The following COL19A1 variants were observed in gnomAD, a reference collection of about 807,000 sequenced individuals.
The protein encoded by COL19A1 is collagen alpha-1(XIX) chain.
COL19A1 carries 159 observed loss-of-function variants against 190.2 expected under a neutral mutation model. The ratio of observed to expected loss-of-function variants is 0.84; its 90% CI spans 0.73 to 0.95. COL19A1 has a LOEUF of 0.95. Ranked by LOEUF, COL19A1 falls within the 40% of genes least tolerant of loss-of-function variation. The pLI, the probability that COL19A1 is intolerant of heterozygous loss-of-function variation, is 0.00. For synonymous variants in COL19A1, 509 were observed against 458.9 expected, an observed-to-expected ratio of 1.11 and a Z score of -1.39; for missense variants, 1,418 against 1,431.9, an observed-to-expected ratio of 0.99 and a Z score of 0.16.
intron 49 of COL19A1, among the ~76,000 whole-genome samples, chr6:70,203,297 A>G (rs1767661476): frequency 6.6e-6 from 1 of 152,208 alleles, no homozygotes; most frequent in Non-Finnish European, 1.5e-5. Flanking sequence ...CATCCATCGC[A>G]TGCACCCTGC....
At chr6:69,978,276 AAGAG>A (rs1482966936) in intron 11 of COL19A1, among the ~76,000 whole-genome samples, 1 of 152,082 alleles carries the variant, frequency 6.6e-6, no homozygotes, top group Non-Finnish European at 1.5e-5. Flanking sequence ...AAGAGAGAGA[AAGAG>A]AGACAGACAC....
At chr6:70,064,126 A>G (rs1781024695) in intron 14 of COL19A1, among the ~76,000 whole-genome samples, 1 of 152,220 alleles carries the variant, frequency 6.6e-6, no homozygotes, top group South Asian at 2.1e-4. Flanking sequence ...AACTCATTTT[A>G]TGAGGACAGC....
chr6:69,920,895 CATATAT>C (rs962469597), intron 4 of COL19A1, among the ~76,000 whole-genome samples: 1 of 136,632 alleles, frequency 7.3e-6, no homozygotes, highest in Non-Finnish European at 1.6e-5. Context: ...AATTTCTAGT[CATATAT>C]ATATATTCAT....
At chr6:70,056,481 C>T (rs540125808) in intron 14 of COL19A1, among the ~76,000 whole-genome samples, 3 of 152,212 alleles carry the variant, frequency 2.0e-5, no homozygotes, top group Admixed American at 2.0e-4. Flanking sequence ...TCTACATTTC[C>T]TTTCTGGTTG....
At chr6:69,908,706 A>G (rs1356734754) in intron 4 of COL19A1, among the ~76,000 whole-genome samples, 1 of 152,154 alleles carries the variant, frequency 6.6e-6, no homozygotes, top group Non-Finnish European at 1.5e-5. Flanking sequence ...TGATGTTATC[A>G]TTATCAAATT....
intron 2 of COL19A1, among the ~76,000 whole-genome samples, chr6:69,893,639 C>T (rs530233338): frequency 2.4e-4 from 37 of 152,308 alleles, no homozygotes; most frequent in Non-Finnish European, 4.6e-4. Context: ...AAGTATATTT[C>T]CTTGCCATAC....
intron 4 of COL19A1, among the ~76,000 whole-genome samples, chr6:69,922,988 T>G (rs2150004489): frequency 6.6e-6 from 1 of 152,182 alleles, no homozygotes; most frequent in East Asian, 1.9e-4. Context: ...GACTGGTGAC[T>G]GCATGACTAT....
At chr6:70,082,844 C>T (rs1002919468) in intron 15 of COL19A1, among the ~76,000 whole-genome samples, 1 of 152,174 alleles carries the variant, frequency 6.6e-6, no homozygotes, top group African/African-American at 2.4e-5. Context: ...ACTGTTCCAC[C>T]TCAATCATCA....
intron 11 of COL19A1, among the ~76,000 whole-genome samples, chr6:69,972,677 TATATAAA>T (rs57260772): frequency 0.98 from 149,797 of 152,144 alleles, 73,744 homozygotes; most frequent in East Asian, 1. Flanking sequence ...AAAAAGACAA[TATATAAA>T]ATATAAAACA....
intron 34 of COL19A1, among the ~76,000 whole-genome samples, chr6:70,159,147 CAAA>C: frequency 7.4e-6 from 1 of 135,366 alleles, no homozygotes; most frequent in Non-Finnish European, 1.6e-5. Context: ...CTAAAAGTAG[CAAA>C]AAAAAAAAAG....
At chr6:70,108,656 T>C (rs899437809) in intron 16 of COL19A1, among the ~76,000 whole-genome samples, 2 of 152,166 alleles carry the variant, frequency 1.3e-5, no homozygotes, top group Non-Finnish European at 2.9e-5. Flanking sequence ...AACTTGATGC[T>C]CTTTTGAGGT....
At chr6:70,184,814 C>A in intron 45 of COL19A1, 57 bp from the exon 46 acceptor site, 1 of 1,606,418 alleles carries the variant, frequency 6.2e-7, no homozygotes, top group South Asian at 1.1e-5. Flanking sequence ...TTACATCAAT[C>A]AGACTGATGA....
At chr6:70,022,290 C>T (rs1778458544) in intron 11 of COL19A1, among the ~76,000 whole-genome samples, 1 of 152,092 alleles carries the variant, frequency 6.6e-6, no homozygotes, top group South Asian at 2.1e-4. Flanking sequence ...ACTTTCTATA[C>T]ATATTCTTTT....
intron 17 of COL19A1, among the ~76,000 whole-genome samples, chr6:70,124,404 G>C (rs1407803473): frequency 6.6e-6 from 1 of 152,118 alleles, no homozygotes; most frequent in Non-Finnish European, 1.5e-5. Context: ...AACTTTTAAA[G>C]CTCACATCTT....
intron 11 of COL19A1, among the ~76,000 whole-genome samples, chr6:69,976,566 TAGG>T (rs1775725980): frequency 6.6e-6 from 1 of 151,980 alleles, no homozygotes; most frequent in African/African-American, 2.4e-5. Flanking sequence ...TAACGCTCCC[TAGG>T]AGAAGGAGGG....
intron 9 of COL19A1, among the ~76,000 whole-genome samples, chr6:69,938,908 A>T (rs1357791447): frequency 6.6e-6 from 1 of 152,094 alleles, no homozygotes; most frequent in Non-Finnish European, 1.5e-5. Context: ...TGTTTTTATT[A>T]TCTCTCCAAG....
At chr6:70,064,256 G>T (rs1209454596) in intron 14 of COL19A1, among the ~76,000 whole-genome samples, 1 of 152,142 alleles carries the variant, frequency 6.6e-6, no homozygotes, top group African/African-American at 2.4e-5. Flanking sequence ...GAATCCAGCA[G>T]CACATCAAAA....
At chr6:69,972,003 G>GTAGA (rs1775456009) in intron 11 of COL19A1, among the ~76,000 whole-genome samples, 1 of 152,170 alleles carries the variant, frequency 6.6e-6, no homozygotes, top group Non-Finnish European at 1.5e-5. Context: ...AAAGTTGGAC[G>GTAGA]TAGATGTGCT....
intron 31 of COL19A1, 55 bp downstream of exon 31, chr6:70,151,493 G>A: frequency 6.4e-7 from 1 of 1,560,626 alleles, no homozygotes; most frequent in Admixed American, 1.7e-5. Context: ...AAATTAGAAA[G>A]AAAAATATTT....
Sources: allele counts gnomAD v4.1 joint callset (sites outside exome capture counted in the v4.1 genomes callset), GRCh38; gene constraint gnomAD v4.1.1; transcripts MANE v1.5; gene names NCBI Gene and HGNC (gene_info 2026-07-23, HGNC 2026-07-21).